CACNA2D1: variants seen among roughly 807,000 people sequenced by gnomAD.
CACNA2D1 encodes the protein voltage-dependent calcium channel subunit alpha-2/delta-1.
In CACNA2D1, 53 loss-of-function variants were observed where a neutral mutation model predicts 171.5. That is an observed-to-expected ratio of 0.31 (90% CI 0.25 to 0.39). CACNA2D1 has a LOEUF of 0.39. CACNA2D1 is among the 10% of genes least tolerant of loss of function. The pLI is 1.00. For missense variants in CACNA2D1, 903 were observed against 1,299.8 expected (o/e 0.69, Z 4.69); for synonymous variants, 442 against 443.1 (o/e 1.00, Z 0.03).
chr7:81,956,711 G>T (rs1793401781), intron 38 of CACNA2D1, among the ~76,000 whole-genome samples: 1 of 152,136 alleles, frequency 6.6e-6, no homozygotes, highest in East Asian at 1.9e-4. Context: ...TCCATTCATA[G>T]TAATGGCCAC....
intron 1 of CACNA2D1, among the ~76,000 whole-genome samples, chr7:82,364,245 G>A (rs1821424922): frequency 6.6e-6 from 1 of 152,144 alleles, no homozygotes; most frequent in Non-Finnish European, 1.5e-5. Flanking sequence ...TTGGCAGAAA[G>A]ATTGCAGGGT....
chr7:82,099,323 T>C (rs969150276), intron 6 of CACNA2D1, among the ~76,000 whole-genome samples: 1 of 152,060 alleles, frequency 6.6e-6, no homozygotes, highest in Non-Finnish European at 1.5e-5. Flanking sequence ...TAACAATTTG[T>C]AGTTAAAATT....
chr7:81,992,351 G>A (rs947282236), intron 20 of CACNA2D1, among the ~76,000 whole-genome samples: 1 of 152,078 alleles, frequency 6.6e-6, no homozygotes, highest in Admixed American at 6.5e-5. Context: ...GAGGTAAGGT[G>A]CTTAAGTTGG....
At chr7:82,136,534 T>G in intron 5 of CACNA2D1, 101 bp downstream of exon 5, 1 of 815,754 alleles carries the variant, frequency 1.2e-6, no homozygotes, top group Non-Finnish European at 1.9e-6. Context: ...CAGTCTAACA[T>G]TGTCTTAAAA....
chr7:82,318,374 A>AT (rs1219115555), intron 3 of CACNA2D1, among the ~76,000 whole-genome samples: 3 of 152,208 alleles, frequency 2.0e-5, no homozygotes, highest in African/African-American at 7.2e-5. Context: ...ATACTCACTT[A>AT]TGAGTATAAA....
At chr7:81,995,658 G>T (rs1797965589) in intron 19 of CACNA2D1, among the ~76,000 whole-genome samples, 2 of 152,016 alleles carry the variant, frequency 1.3e-5, no homozygotes, top group Admixed American at 1.3e-4. Flanking sequence ...AATTAGCCAG[G>T]CATGGTGGCA....
intron 3 of CACNA2D1, among the ~76,000 whole-genome samples, chr7:82,292,501 A>C (rs958765713): frequency 1.3e-5 from 2 of 152,122 alleles, no homozygotes; most frequent in Non-Finnish European, 2.9e-5. Flanking sequence ...ATTTTTTGAA[A>C]ATTTACGTGC....
chr7:81,959,861 A>T (rs1192412406), intron 36 of CACNA2D1, 32 bp from the exon 37 acceptor site: 8 of 1,602,244 alleles, frequency 5.0e-6, no homozygotes, highest in Non-Finnish European at 6.8e-6. Flanking sequence ...ATAGAAAATG[A>T]GTATCTTTTC....
chr7:82,123,722 C>G (rs2129060357), intron 5 of CACNA2D1, among the ~76,000 whole-genome samples: 1 of 152,204 alleles, frequency 6.6e-6, no homozygotes, highest in South Asian at 2.1e-4. Flanking sequence ...GCAGCTTAAG[C>G]TCATTAAATT....
chr7:82,019,147 C>G (rs943173766), intron 12 of CACNA2D1, among the ~76,000 whole-genome samples: 1 of 151,708 alleles, frequency 6.6e-6, no homozygotes, highest in East Asian at 1.9e-4. Flanking sequence ...TGGTGAAACC[C>G]CGTCTGTACT....
intron 1 of CACNA2D1, among the ~76,000 whole-genome samples, chr7:82,403,819 C>G (rs1346909511): frequency 6.6e-6 from 1 of 152,148 alleles, no homozygotes; most frequent in African/African-American, 2.4e-5. Context: ...CTAATTGTTC[C>G]ACTACGTAGC....
intron 3 of CACNA2D1, among the ~76,000 whole-genome samples, chr7:82,293,711 T>A (rs775177497): frequency 2.0e-5 from 3 of 152,182 alleles, no homozygotes; most frequent in Non-Finnish European, 4.4e-5. Flanking sequence ...GCTTCTTGGG[T>A]TCAACCCAGG....
In CACNA2D1 at chr7:82,366,903, C is replaced by CTTTTTTTTTTTTTTTTT. The variant is rs71093376; in HGVS notation, c.96-17271_96-17255dup. On this transcript the variant is annotated intron_variant, in intron 1 of 38. Transcript: ENST00000356860. ...CCTGCCAGCATCCACTGGTTTTGAC[C>CTTTTTTTTTTTTTTTTT]TTTTTTTTTTTTTTTTTTTTTTTGA... Among the ~76,000 whole-genome samples the CTTTTTTTTTTTTTTTTT allele has an allele frequency of 4.9e-4, 43 of 86,970 alleles. 3 individuals are homozygous for CTTTTTTTTTTTTTTTTT. The highest frequency in any genetic ancestry group is 1.1e-3 in the South Asian group (2 of 1,904). 57.1% of individuals were successfully genotyped at this position (86,970 alleles called of 152,430 possible).
intron 4 of CACNA2D1, among the ~76,000 whole-genome samples, chr7:82,162,627 CTTTTT>C (rs1415227568): frequency 6.7e-5 from 10 of 148,212 alleles, no homozygotes; most frequent in African/African-American, 2.3e-4. Context: ...AGTATTTCTT[CTTTTT>C]TAAGAGACTT....
chr7:82,136,578 G>T, intron 5 of CACNA2D1, 57 bp downstream of exon 5: 1 of 1,321,318 alleles, frequency 7.6e-7, no homozygotes, highest in Non-Finnish European at 1.1e-6. Context: ...TTCTATATAA[G>T]GCCAATCATT....
chr7:82,400,068 T>A (rs1315895788), intron 1 of CACNA2D1, among the ~76,000 whole-genome samples: 2 of 151,356 alleles, frequency 1.3e-5, no homozygotes, highest in Non-Finnish European at 2.9e-5. Flanking sequence ...TATATCTCTG[T>A]TTTGGTACCA....
intron 34 of CACNA2D1, among the ~76,000 whole-genome samples, chr7:81,963,812 C>G (rs541960163): frequency 6.6e-6 from 1 of 151,826 alleles, no homozygotes; most frequent in East Asian, 1.9e-4. Context: ...AAGGAAGACT[C>G]TAAAGAGGCT....
chr7:82,001,741 CATCA>C (rs1375489103), intron 18 of CACNA2D1: 2 of 954,684 alleles, frequency 2.1e-6, no homozygotes, highest in East Asian at 1.1e-4. Context: ...AATGGTAATT[CATCA>C]TAGTACATGT....
At chr7:82,383,836 A>G (rs2129449675) in intron 1 of CACNA2D1, among the ~76,000 whole-genome samples, 1 of 152,332 alleles carries the variant, frequency 6.6e-6, no homozygotes, top group Non-Finnish European at 1.5e-5. Flanking sequence ...TTCTTTCCAT[A>G]TAAATTAAGA....
Sources: gnomAD v4.1 joint callset for allele counts (sites outside exome capture counted in the v4.1 genomes callset) on GRCh38, gnomAD v4.1.1 for gene constraint, MANE v1.5 for transcripts, NCBI Gene and HGNC (gene_info 2026-07-23, HGNC 2026-07-21) for gene names.